Variants in PMPCA observed in about 807,000 individuals in gnomAD.
PMPCA encodes the protein mitochondrial-processing peptidase subunit alpha.
In PMPCA, 47 loss-of-function variants were observed where a neutral mutation model predicts 59.3. The observed-to-expected ratio is 0.79, with a 90% confidence interval of 0.63 to 1.01. The LOEUF is 1.01. PMPCA is among the 50% of genes least tolerant of loss of function. The pLI is 0.00. For missense variants in PMPCA, 726 were observed against 704.5 expected, an observed-to-expected ratio of 1.03 and a Z score of -0.34; for synonymous variants, 338 against 290.3, an observed-to-expected ratio of 1.16 and a Z score of -1.67.
chr9:136,419,157 A>G (rs749128038), intron 11 of PMPCA, 51 bp downstream of exon 11: 2 of 1,507,074 alleles, frequency 1.3e-6, no homozygotes, highest in East Asian at 4.5e-5. Context: ...GTCTGACAGG[A>G]GACAGCCACG....
In PMPCA at chr9:136,412,195, AG is replaced by A; in HGVS notation, c.272del (p.Gly91GlufsTer86). On this transcript the variant is annotated frameshift_variant, in exon 2 of 13. Transcript: ENST00000371717. LOFTEE classifies it high-confidence loss of function. ...ATAAGTTTGGACAGTTTTGTACAGT[AG>A]GAAGTAAGTACTGTTGTGTTGTCGT... ...QNKFGQFCTV[G>X]ILINSGSRYE... is the part of the protein sequence containing the mutation. 6.2e-7 allele frequency: 1 copy of A among 1,609,596 alleles called. No homozygotes were observed. Among genetic ancestry groups the A allele is most frequent in the Non-Finnish European group, 8.5e-7 (1 of 1,175,938 alleles).
chr9:136,421,480 G>A (rs911520424), intron 11 of PMPCA, among the ~76,000 whole-genome samples: 19 of 150,394 alleles, frequency 1.3e-4, no homozygotes, highest in Non-Finnish European at 2.2e-4. Context: ...TGCGATCTGG[G>A]CTCACTGCAA....
chr9:136,419,222 G>C, intron 11 of PMPCA, 116 bp downstream of exon 11: 1 of 879,348 alleles, frequency 1.1e-6, no homozygotes, highest in Non-Finnish European at 1.9e-6. Context: ...CCAAGGTCCC[G>C]GCAGGGCAGG....
At chr9:136,411,789 A>G (rs1835125563) in intron 1 of PMPCA, among the ~76,000 whole-genome samples, 1 of 152,258 alleles carries the variant, frequency 6.6e-6, no homozygotes, top group Admixed American at 6.5e-5. Flanking sequence ...ACTAAGACCC[A>G]AAGGACGGAA....
intron 8 of PMPCA, 129 bp downstream of exon 8, chr9:136,418,238 C>T (rs573670530): frequency 2.8e-6 from 2 of 723,224 alleles, no homozygotes; most frequent in East Asian, 5.1e-5. Flanking sequence ...GCTCTGCCCT[C>T]TGTCCCTGGC....
At position 136,421,935 on chromosome 9, in the gene PMPCA, C is replaced by G. The variant is rs758341158; in HGVS notation, c.1367C>G (p.Thr456Ser). Residue 456 changes from threonine (T) to serine (S), a missense_variant, in exon 12 of 13, where the codon ACT becomes AGT. By Grantham distance (58) the Thr-to-Ser change is moderately conservative (BLOSUM62 1). Transcript: ENST00000371717. ...FEDVGRQVLA[T>S]RSRKLPHELC... is the part of the protein sequence containing the mutation. ...GATGTGGGGAGGCAGGTGCTGGCCA[C>G]TCGCTCCAGAAAGCTGCCGCACGAG... The G allele has an allele frequency of 7.4e-6, 12 of 1,612,790 alleles. No individual in the cohort carries two copies. The highest frequency in any genetic ancestry group is 1.0e-5 in the Non-Finnish European group (12 of 1,179,876).
chr9:136,419,920 C>T (rs2131593480), intron 11 of PMPCA: 1 of 151,910 alleles, frequency 6.6e-6, no homozygotes, highest in Middle Eastern at 3.4e-3. Context: ...GTTTTTGATG[C>T]TTTACACATT....
In PMPCA at chr9:136,423,175, C is replaced by G; in HGVS notation, c.1489C>G (p.Leu497Val). The G allele has an allele frequency of 6.2e-7, 1 of 1,613,802 alleles. No homozygotes were observed. The highest frequency in any genetic ancestry group is 8.5e-7 in the Non-Finnish European group (1 of 1,180,024). Residue 497 changes from leucine (L) to valine (V), a missense_variant, in exon 13 of 13, where the codon CTG becomes GTG. By Grantham distance (32) the Leu-to-Val change is conservative (BLOSUM62 1). Coordinates refer to ENST00000371717, the MANE Select transcript of PMPCA (RefSeq NM_015160.3). ...GKPAVAALGD[L>V]TDLPTYEHIQ... is the part of the protein sequence containing the mutation. ...GCCGGCAGTGGCCGCCCTGGGTGAC[C>G]TGACTGACCTGCCCACGTATGAGCA... is the stretch of plus-strand genomic sequence containing the variant.
chr9:136,423,215 T>A lies in PMPCA; in HGVS notation c.1529T>A (p.Leu510Gln). 6.2e-7 allele frequency: 1 copy of A among 1,613,644 alleles called. No homozygotes were observed. The highest frequency in any genetic ancestry group is 8.5e-7 in the Non-Finnish European group (1 of 1,180,020). Residue 510 changes from leucine (L) to glutamine (Q), a missense_variant, in exon 13 of 13, where the codon CTG (leucine) becomes CAG (glutamine). Physicochemically the swap from Leu to Gln is moderately radical, Grantham distance 113. Coordinates refer to ENST00000371717, the MANE Select transcript of PMPCA (RefSeq NM_015160.3). ...ACGTATGAGCACATCCAGACCGCCC[T>A]GTCGAGTAAGGACGGGCGCCTGCCC... The part of the protein sequence containing the change: ...LPTYEHIQTA[L>Q]SSKDGRLPRT...
intron 7 of PMPCA, 149 bp from the exon 8 acceptor site, chr9:136,417,868 C>T (rs1334653355): frequency 4.4e-6 from 3 of 681,984 alleles, no homozygotes; most frequent in East Asian, 5.2e-5. Context: ...CCACCTTGGC[C>T]TCCCAAAGTG....
chr9:136,417,097 C>A lies in PMPCA; in HGVS notation c.780C>A (p.His260Gln). 2.5e-6 allele frequency: 4 copies of A among 1,613,942 alleles called. No individual in the cohort carries two copies. The highest frequency in any genetic ancestry group is 3.4e-6 in the Non-Finnish European group (4 of 1,180,020). ...TGCTGGCCGGCGTGGGCGTGGAGCA[C>A]GAGCATCTGGTGGACTGTGCCCGGA... is the stretch of plus-strand genomic sequence containing the variant. ...RMVLAGVGVE[H>Q]EHLVDCARKY... The change falls in exon 7 of 13, where the codon CAC (histidine) becomes CAA (glutamine). Residue 260 changes from histidine (H) to glutamine (Q), a missense_variant. Coordinates refer to ENST00000371717, the MANE Select transcript of PMPCA (RefSeq NM_015160.3).
intron 12 of PMPCA, 36 bp from the exon 13 acceptor site, chr9:136,423,059 C>G: frequency 6.3e-7 from 1 of 1,578,896 alleles, no homozygotes; most frequent in Non-Finnish European, 8.6e-7. Context: ...GGGGCCGTGG[C>G]GCGCTCGTGT....
chr9:136,416,076 G>A, intron 5 of PMPCA: 1 of 590,266 alleles, frequency 1.7e-6, no homozygotes, highest in Non-Finnish European at 3.0e-6. Context: ...TCATGGCTGA[G>A]GCGGGATGTG....
chr9:136,412,632 G>T lies in PMPCA; in HGVS notation c.354+63G>T, dbSNP rs1835166960. ...TTGAAGGATGTTTGAGATTTTTCTT[G>T]TCTATAATGGTTATTTTAATAAATT... is the stretch of plus-strand genomic sequence containing the variant. On this transcript the variant is annotated intron_variant, in intron 3 of 12. Transcript: ENST00000371717. 4 of 866,984 alleles carry T rather than the reference G, an allele frequency of 4.6e-6. No individual in the cohort carries two copies. The Admixed American group carries it at 6.5e-5, about 14-fold the overall frequency. 53.7% of individuals were successfully genotyped at this position (866,984 alleles called of 1,614,324 possible).
In PMPCA at chr9:136,418,072, C is replaced by G. The variant is rs375626355; in HGVS notation, c.953C>G (p.Thr318Arg). 1.2e-6 allele frequency: 2 copies of G among 1,613,750 alleles called. No homozygotes were observed. Among genetic ancestry groups the G allele is most frequent in the East Asian group, 2.2e-5 (1 of 44,886 alleles). ...GGCCCGACCCCCATCCCCGAGCTCA[C>G]GCACATCATGGTTGGACTGGAGAGC... ...SLGPTPIPEL[T>R]HIMVGLESCS... The change falls in exon 8 of 13, where the codon ACG becomes AGG. Residue 318 changes from threonine (T) to arginine (R), a missense_variant. Transcript: ENST00000371717.
In PMPCA at chr9:136,418,925, GC is replaced by G. The variant is rs1835365430; in HGVS notation, c.1200+11del. 6.2e-7 allele frequency: 1 copy of G among 1,612,492 alleles called. No individual in the cohort carries two copies. Among genetic ancestry groups the G allele is most frequent in the Non-Finnish European group, 8.5e-7 (1 of 1,178,688 alleles). On this transcript the variant is annotated splice_region_variant and intron_variant, in intron 10 of 12. Transcript: ENST00000371717. ...CAGCGCCGACCCAAGACAGGTGAGGGCCCCGCCTGCCACCGTCCTCAGTGCG... is the reference window on the plus strand; with the variant it reads ...CAGCGCCGACCCAAGACAGGTGAGGGCCCGCCTGCCACCGTCCTCAGTGCG...
chr9:136,411,911 A>T (rs1835130630), intron 1 of PMPCA, 86 bp from the exon 2 acceptor site: 1 of 787,718 alleles, frequency 1.3e-6, no homozygotes, highest in Non-Finnish European at 2.2e-6. Flanking sequence ...TTTAACCCAG[A>T]CAAAACATAA....
chr9:136,423,010 C>G, intron 12 of PMPCA, 85 bp from the exon 13 acceptor site: 1 of 1,499,288 alleles, frequency 6.7e-7, no homozygotes, highest in South Asian at 1.3e-5. Flanking sequence ...TACAGACCAG[C>G]CGCCCCCTCC....
chr9:136,416,406 T>A lies in PMPCA; in HGVS notation c.633+15T>A, dbSNP rs374985080. ...TGATTCATGAAGTAAAATGTCAAAC[T>A]CGAGAATGCCCCCGCATCTCGAACA... On this transcript the variant is annotated intron_variant, in intron 6 of 12. Coordinates refer to ENST00000371717, the MANE Select transcript of PMPCA (RefSeq NM_015160.3). 6.4e-7 allele frequency: 1 copy of A among 1,566,698 alleles called. No homozygotes were observed. The highest frequency in any genetic ancestry group is 1.1e-5 in the South Asian group (1 of 90,204).
Sources: allele counts gnomAD v4.1 joint callset (sites outside exome capture counted in the v4.1 genomes callset), GRCh38; gene constraint gnomAD v4.1.1; transcripts MANE v1.5; gene names NCBI Gene and HGNC (gene_info 2026-07-23, HGNC 2026-07-21).